The following TUSC3 variants were observed in gnomAD, a reference collection of about 807,000 sequenced individuals.
The protein encoded by TUSC3 is dolichyl-diphosphooligosaccharide--protein glycosyltransferase subunit TUSC3.
A neutral mutation model predicts 44.8 loss-of-function variants in TUSC3; 45 were observed. The ratio of observed to expected loss-of-function variants is 1.00; its 90% CI spans 0.79 to 1.29. TUSC3 has a LOEUF of 1.29. Ranked by LOEUF, TUSC3 falls within the 50% of genes most tolerant of loss-of-function variation. The pLI is 0.00. For missense variants in TUSC3, 519 were observed against 437.9 expected, an observed-to-expected ratio of 1.19 and a Z score of -1.65; for synonymous variants, 212 against 152.9, an observed-to-expected ratio of 1.39 and a Z score of -2.85.
chr8:15,712,035 T>C (rs1276722492), intron 6 of TUSC3, among the ~76,000 whole-genome samples: 1 of 151,948 alleles, frequency 6.6e-6, no homozygotes, highest in East Asian at 1.9e-4. Flanking sequence ...ACATACTAAA[T>C]TGCTGTGCAC....
At chr8:15,830,951 T>C in the TUSC3 span, among the ~76,000 whole-genome samples, 1 of 152,066 alleles carries the variant, frequency 6.6e-6, no homozygotes, top group South Asian at 2.1e-4. Flanking sequence ...GTGTGCACCT[T>C]GCCACGCTGT....
intron 1 of TUSC3, among the ~76,000 whole-genome samples, chr8:15,588,731 A>G (rs1563305917): frequency 2.0e-5 from 3 of 152,284 alleles, no homozygotes; most frequent in East Asian, 3.9e-4. Flanking sequence ...ATTTTTGTAT[A>G]TGGTGAGAGA....
At chr8:15,597,202 G>A (rs980781359) in intron 1 of TUSC3, among the ~76,000 whole-genome samples, 3 of 152,100 alleles carry the variant, frequency 2.0e-5, no homozygotes, top group Admixed American at 6.6e-5. Flanking sequence ...ATTTGCTGCA[G>A]ATTTTAATGG....
At chr8:15,526,857 A>T (rs1801380019) in intron 2 of TUSC3, among the ~76,000 whole-genome samples, 1 of 152,186 alleles carries the variant, frequency 6.6e-6, no homozygotes, top group Non-Finnish European at 1.5e-5. Flanking sequence ...TCAGAAAAAC[A>T]GCCCCCTGCA....
In TUSC3 at chr8:15,494,178, C is replaced by T. The variant is rs1209500323; in HGVS notation, n.189+10695C>T. Among the ~76,000 whole-genome samples, 5 of 152,112 alleles carry T rather than the reference C, an allele frequency of 3.3e-5. No homozygotes were observed. The East Asian group carries it at 7.7e-4, about 23-fold the overall frequency. On this transcript the variant is annotated intron_variant and non_coding_transcript_variant, in intron 2 of 5. Transcript: ENST00000503191. ...TTGTCTTTCCATTGTCAGATACAGT[C>T]GATGAAATATGGATCTGAATTCCTT... is the stretch of plus-strand genomic sequence containing the variant.
At position 15,588,542 on chromosome 8, in the gene TUSC3, A is replaced by G. The variant is rs189753527; in HGVS notation, c.139-34538A>G. On this transcript the variant is annotated intron_variant, in intron 1 of 10. Coordinates refer to ENST00000503731, the MANE Select transcript of TUSC3 (RefSeq NM_006765.4). ...CACTCTGTTGTTTCCTTTGCTGTTC[A>G]GAAGCTTTTTAGTTTTATGTAGTCC... is the stretch of plus-strand genomic sequence containing the variant. Among the ~76,000 whole-genome samples the G allele has an allele frequency of 4.9e-3, 745 of 152,158 alleles. 3 individuals carry two copies. Among genetic ancestry groups the G allele is most frequent in the Non-Finnish European group, 8.0e-3 (543 of 67,972 alleles).
chr8:15,646,608 A>G (rs1806643673), intron 2 of TUSC3, among the ~76,000 whole-genome samples: 2 of 152,032 alleles, frequency 1.3e-5, no homozygotes, highest in African/African-American at 2.4e-5. Flanking sequence ...AGATTATAGT[A>G]CTGTTCATAT....
At chr8:15,434,738 G>T (rs998138807) in intron 1 of TUSC3, among the ~76,000 whole-genome samples, 2 of 150,956 alleles carry the variant, frequency 1.3e-5, no homozygotes, top group African/African-American at 4.9e-5. Flanking sequence ...TGCTGTGTCC[G>T]TGTGTTCTCA....
intron 7 of TUSC3, among the ~76,000 whole-genome samples, chr8:15,731,096 C>T (rs978163192): frequency 4.6e-5 from 7 of 152,050 alleles, no homozygotes; most frequent in Admixed American, 6.6e-5. Context: ...AAGGTATTTT[C>T]GTACTGCTCC....
At chr8:15,679,898 T>C (rs937679838) in intron 6 of TUSC3, among the ~76,000 whole-genome samples, 2 of 152,162 alleles carry the variant, frequency 1.3e-5, no homozygotes, top group East Asian at 3.9e-4. Flanking sequence ...TGGTTGTAGA[T>C]GTGTAACTTT....
At chr8:15,556,551 C>T (rs1399443442) in intron 1 of TUSC3, among the ~76,000 whole-genome samples, 6 of 148,844 alleles carry the variant, frequency 4.0e-5, no homozygotes, top group East Asian at 4.1e-4. Context: ...ATGGTATTTC[C>T]AGTTCTAGAT....
At chr8:15,573,072 G>C (rs1431901932) in intron 1 of TUSC3, among the ~76,000 whole-genome samples, 2 of 151,146 alleles carry the variant, frequency 1.3e-5, no homozygotes, top group Non-Finnish European at 2.9e-5. Flanking sequence ...CCTTCAATTT[G>C]TAAAAAATGC....
Position 15,614,935 on chromosome 8 carries a change from C to CA in TUSC3, c.139-8128dup, listed in dbSNP as rs3070906. Among the ~76,000 whole-genome samples the CA allele has an allele frequency of 9.9e-3, 1,314 of 133,182 alleles. 11 individuals are homozygous for CA. The highest frequency in any genetic ancestry group is 0.022 in the African/African-American group (805 of 36,136). 87.4% of individuals were successfully genotyped at this position (133,182 alleles called of 152,430 possible). A position where few individuals can be genotyped will look rare whatever the true frequency, so the allele number is the denominator to read the frequency against. On this transcript the variant is annotated intron_variant, in intron 1 of 10. Coordinates refer to ENST00000503731, the MANE Select transcript of TUSC3 (RefSeq NM_006765.4). ...CTATTCAGGCTGTTATTAAAAAGAC[C>CA]AAAAAAAAAAAAAAAAACCACCCCA...
chr8:15,732,444 A>G (rs1810760894), intron 7 of TUSC3, among the ~76,000 whole-genome samples: 1 of 152,176 alleles, frequency 6.6e-6, no homozygotes, highest in Non-Finnish European at 1.5e-5. Flanking sequence ...TTCCACAGCC[A>G]TATGGAACTG....
chr8:15,743,424 T>C, intron 7 of TUSC3, 114 bp from the exon 8 acceptor site: 4 of 1,035,454 alleles, frequency 3.9e-6, no homozygotes, highest in Non-Finnish European at 4.6e-6. Context: ...TTGATTGTAT[T>C]TACCTCTGTG....
chr8:15,623,604 T>G (rs1332303915), intron 2 of TUSC3, among the ~76,000 whole-genome samples: 1 of 151,960 alleles, frequency 6.6e-6, no homozygotes, highest in Non-Finnish European at 1.5e-5. Flanking sequence ...GACTCACTTT[T>G]ATCTAGTGTA....
At chr8:15,838,837 C>T in the TUSC3 span, among the ~76,000 whole-genome samples, 5 of 152,152 alleles carry the variant, frequency 3.3e-5, no homozygotes, top group South Asian at 2.1e-4. Flanking sequence ...CTTGGCAATG[C>T]AGGCTCTTTT....
At chr8:15,726,257 A>G (rs560610021) in intron 6 of TUSC3, among the ~76,000 whole-genome samples, 2 of 152,252 alleles carry the variant, frequency 1.3e-5, no homozygotes, top group African/African-American at 2.4e-5. Context: ...ATATTGCCAT[A>G]TAAGAGGTAT....
rs183270322 is a variant in TUSC3 at position 15,736,431 on chromosome 8, C to A, written c.862+5702C>A. The stretch of plus-strand genomic sequence containing the variant: ...AATATATAAAATTGTGTTTAAAACT[C>A]TTTATATAATTTCCCAGAGTAGAGA... On this transcript the variant is annotated intron_variant, in intron 7 of 10. Transcript: ENST00000503731. Among the ~76,000 whole-genome samples the A allele has an allele frequency of 3.2e-3, 487 of 152,150 alleles. 4 individuals are homozygous for A. The highest frequency in any genetic ancestry group is 0.011 in the African/African-American group (440 of 41,530).
Sources: gnomAD v4.1 joint callset for allele counts (sites outside exome capture counted in the v4.1 genomes callset) on GRCh38, gnomAD v4.1.1 for gene constraint, MANE v1.5 for transcripts, NCBI Gene and HGNC (gene_info 2026-07-23, HGNC 2026-07-21) for gene names.